ROBO1: variants seen among roughly 807,000 people sequenced by gnomAD.
ROBO1 encodes roundabout homolog 1.
Under a neutral mutation model 195.9 loss-of-function variants are expected in ROBO1, and 149 were observed. That is an observed-to-expected ratio of 0.76 (90% CI 0.67 to 0.87). The LOEUF (loss-of-function observed/expected upper bound fraction) is 0.87. Among genes scored for constraint, ROBO1 ranks in the 40% least tolerant of loss-of-function variants. The pLI is 0.00. For missense variants in ROBO1, 1,933 were observed against 2,068.3 expected, an observed-to-expected ratio of 0.93 and a Z score of 1.27; for synonymous variants, 816 against 733.2, an observed-to-expected ratio of 1.11 and a Z score of -1.82.
At chr3:79,133,417 G>A (rs1287091494) in intron 2 of ROBO1, among the ~76,000 whole-genome samples, 15 of 127,352 alleles carry the variant, frequency 1.2e-4, no homozygotes, top group African/African-American at 3.6e-4. Flanking sequence ...TTCTCTTCTC[G>A]CTTCATTTCA....
intron 3 of ROBO1, among the ~76,000 whole-genome samples, chr3:78,998,942 A>T (rs960885444): frequency 2.0e-5 from 3 of 152,042 alleles, no homozygotes; most frequent in Non-Finnish European, 2.9e-5. Flanking sequence ...TGTGATATAC[A>T]AGTGGCCAGG....
intron 2 of ROBO1, among the ~76,000 whole-genome samples, chr3:79,366,031 A>G (rs2035965743): frequency 6.6e-6 from 1 of 151,880 alleles, no homozygotes; most frequent in African/African-American, 2.4e-5. Flanking sequence ...GTTTAATTCT[A>G]CCTATACAAA....
intron 2 of ROBO1, among the ~76,000 whole-genome samples, chr3:79,167,327 G>T (rs545031023): frequency 2.6e-5 from 4 of 151,870 alleles, no homozygotes; most frequent in Non-Finnish European, 5.9e-5. Flanking sequence ...AAGTTGCAAG[G>T]CAGCAATTTC....
At chr3:79,241,820 G>T (rs2082524502) in intron 2 of ROBO1, among the ~76,000 whole-genome samples, 1 of 151,720 alleles carries the variant, frequency 6.6e-6, no homozygotes, top group Non-Finnish European at 1.5e-5. Flanking sequence ...TAAAAGTTAA[G>T]ATTTAGAGTA....
chr3:79,266,577 A>G (rs2029977284), intron 2 of ROBO1, among the ~76,000 whole-genome samples: 1 of 151,602 alleles, frequency 6.6e-6, no homozygotes, highest in Non-Finnish European at 1.5e-5. Flanking sequence ...CATGGACTTC[A>G]CATTTTAACT....
intron 4 of ROBO1, among the ~76,000 whole-genome samples, chr3:78,833,754 A>G (rs1559904450): frequency 6.6e-6 from 1 of 152,182 alleles, no homozygotes. Context: ...GAAATGACCA[A>G]TAAGCAGTAG....
At chr3:78,963,845 T>C (rs2107856604) in intron 3 of ROBO1, among the ~76,000 whole-genome samples, 1 of 152,300 alleles carries the variant, frequency 6.6e-6, no homozygotes, top group Admixed American at 6.5e-5. Context: ...AGGTCATGAA[T>C]ATACAACAAA....
intron 1 of ROBO1, among the ~76,000 whole-genome samples, chr3:79,671,744 T>A (rs1431668039): frequency 6.6e-6 from 1 of 151,926 alleles, no homozygotes. Flanking sequence ...GTATTTAAAA[T>A]CATCCGTGTA....
intron 3 of ROBO1, among the ~76,000 whole-genome samples, chr3:79,026,052 TTA>T (rs1232034862): frequency 1.3e-5 from 2 of 152,184 alleles, no homozygotes; most frequent in Non-Finnish European, 2.9e-5. Context: ...GTATTACATG[TTA>T]TGTTTTACAT....
chr3:79,582,379 G>GT (rs926039853), intron 2 of ROBO1, among the ~76,000 whole-genome samples: 3 of 151,384 alleles, frequency 2.0e-5, no homozygotes, highest in African/African-American at 4.8e-5. Flanking sequence ...AACTCCAGAA[G>GT]TTTTTTTCTA....
chr3:79,354,936 G>T (rs1217735706), intron 2 of ROBO1, among the ~76,000 whole-genome samples: 1 of 152,160 alleles, frequency 6.6e-6, no homozygotes, highest in Non-Finnish European at 1.5e-5. Context: ...GGGAGGCCAA[G>T]GTGGGTGGAT....
At chr3:79,619,071 T>C (rs1944917188) in intron 1 of ROBO1, among the ~76,000 whole-genome samples, 1 of 152,094 alleles carries the variant, frequency 6.6e-6, no homozygotes, top group African/African-American at 2.4e-5. Flanking sequence ...GCCCTCATCA[T>C]TCACCCACAT....
At chr3:78,981,586 C>G (rs2076990965) in intron 3 of ROBO1, among the ~76,000 whole-genome samples, 1 of 152,066 alleles carries the variant, frequency 6.6e-6, no homozygotes, top group Admixed American at 6.6e-5. Flanking sequence ...AACTGAAACT[C>G]TATATACTCA....
chr3:79,719,758 A>T (rs935657194), intron 1 of ROBO1, among the ~76,000 whole-genome samples: 2 of 152,202 alleles, frequency 1.3e-5, no homozygotes, highest in Non-Finnish European at 2.9e-5. Context: ...GTCTTACACA[A>T]ATTAAGTGCT....
chr3:79,023,454 C>G (rs368221537), intron 3 of ROBO1, among the ~76,000 whole-genome samples: 16 of 152,090 alleles, frequency 1.1e-4, no homozygotes, highest in Non-Finnish European at 1.8e-4. Context: ...TTTCAAGAAA[C>G]GAGGCCTATT....
At chr3:79,293,924 A>C (rs1280848881) in intron 2 of ROBO1, among the ~76,000 whole-genome samples, 1 of 149,974 alleles carries the variant, frequency 6.7e-6, no homozygotes, top group South Asian at 2.1e-4. Flanking sequence ...CGGGCGTGGT[A>C]GCGGGCGCCT....
At chr3:79,151,141 CCTT>C (rs2080761528) in intron 2 of ROBO1, among the ~76,000 whole-genome samples, 1 of 151,886 alleles carries the variant, frequency 6.6e-6, no homozygotes, top group Non-Finnish European at 1.5e-5. Flanking sequence ...TTTTGCTCCT[CCTT>C]GCCTTCCATC....
rs567984931 is a variant in ROBO1, at chr3:78,940,728, A to AAT, written c.173-1803_173-1802dup. On this transcript the variant is annotated intron_variant, in intron 3 of 30. Transcript: ENST00000464233. The stretch of plus-strand genomic sequence containing the variant: ...CCTTGGTAAGAATGATCAGAATTAC[A>AAT]ATATATAAATCTATTTGTCGGATGC... Among the ~76,000 whole-genome samples the AAT allele has an allele frequency of 5.0e-3, 763 of 152,378 alleles. 9 individuals carry two copies. Among genetic ancestry groups the AAT allele is most frequent in the Non-Finnish European group, 8.2e-3 (561 of 68,040 alleles).
Position 78,618,039 on chromosome 3 carries a change from C to T in ROBO1, c.3878G>A (p.Arg1293Gln). The T allele has an allele frequency of 6.2e-7, 1 of 1,609,428 alleles. No homozygotes were observed. Among genetic ancestry groups the T allele is most frequent in the Non-Finnish European group, 8.5e-7 (1 of 1,177,770 alleles). ...GHMQHQPDRR[R>Q]QPVSPPPPPR... ...TGGTGGAGGAGGACTCACAGGCTGC[C>T]GTCTGTATGAAGATGAATAAATAGG... The change falls in exon 27 of 31, where the codon CGG becomes CAG. Residue 1293 changes from arginine (R) to glutamine (Q), a missense_variant and splice_region_variant. Physicochemically the swap from Arg to Gln is conservative, Grantham distance 43. Transcript: ENST00000464233.
Sources: gnomAD v4.1 joint callset for allele counts (sites outside exome capture counted in the v4.1 genomes callset) on GRCh38, gnomAD v4.1.1 for gene constraint, MANE v1.5 for transcripts, NCBI Gene and HGNC (gene_info 2026-07-23, HGNC 2026-07-21) for gene names.